STPG2: variants seen among roughly 807,000 people sequenced by gnomAD.
STPG2 encodes sperm tail PG-rich repeat containing 2, also known as sperm-tail PG-rich repeat-containing protein 2.
A neutral mutation model predicts 54.2 loss-of-function variants in STPG2; 56 were observed. That is an observed-to-expected ratio of 1.03 (90% CI 0.83 to 1.29). The LOEUF is 1.29. Ranked by LOEUF, STPG2 falls within the 50% of genes most tolerant of loss-of-function variation. The pLI is 0.00. For synonymous variants in STPG2, 200 were observed against 181.8 expected (o/e 1.10, Z -0.81); for missense variants, 596 against 544.9 (o/e 1.09, Z -0.93).
intron 5 of STPG2, among the ~76,000 whole-genome samples, chr4:98,012,141 G>GTAA (rs1735776030): frequency 1.3e-5 from 2 of 151,850 alleles, no homozygotes; most frequent in African/African-American, 4.8e-5. Context: ...TAATGCATAA[G>GTAA]GGGTCCAGTT....
intron 9 of STPG2, among the ~76,000 whole-genome samples, chr4:97,812,616 G>A (rs1030985782): frequency 6.6e-6 from 1 of 152,026 alleles, no homozygotes; most frequent in African/African-American, 2.4e-5. Flanking sequence ...AAAAACTATA[G>A]AACAAAATAT....
chr4:97,640,432 C>A (rs574480953), intron 10 of STPG2, among the ~76,000 whole-genome samples: 1 of 151,830 alleles, frequency 6.6e-6, no homozygotes, highest in African/African-American at 2.4e-5. Flanking sequence ...GAAAAGTGAA[C>A]ATTCTCTACA....
At chr4:98,007,433 T>C (rs989532429) in intron 5 of STPG2, among the ~76,000 whole-genome samples, 2 of 152,090 alleles carry the variant, frequency 1.3e-5, no homozygotes, top group Admixed American at 6.5e-5. Context: ...TCAGCATACA[T>C]TATAATCACA....
chr4:97,789,454 CTT>C (rs1350523894), intron 9 of STPG2, among the ~76,000 whole-genome samples: 1 of 152,040 alleles, frequency 6.6e-6, no homozygotes, highest in Admixed American at 6.6e-5. Flanking sequence ...TATTTCAAGA[CTT>C]CTCTCCTTTT....
chr4:98,045,275 C>G (rs1967980), intron 5 of STPG2, among the ~76,000 whole-genome samples: 60,376 of 151,812 alleles, frequency 0.4, 12,258 homozygotes, highest in Middle Eastern at 0.46. Flanking sequence ...CTCCACTGCA[C>G]GCTGGTTTTA....
chr4:97,563,901 A>G (rs767186011), intron 10 of STPG2, among the ~76,000 whole-genome samples: 143 of 152,006 alleles, frequency 9.4e-4, no homozygotes, highest in Admixed American at 2.1e-3. Context: ...TGAAAAAAAT[A>G]TATATTCTGT....
intron 10 of STPG2, among the ~76,000 whole-genome samples, chr4:97,576,736 AATTGGCAAGTGGTACCTC>A: frequency 6.6e-6 from 1 of 152,284 alleles, no homozygotes; most frequent in East Asian, 1.9e-4. Flanking sequence ...CAAAAATGAT[AATTGGCAAGTGGTACCTC>A]ATTAAATTAA....
chr4:98,100,848 G>C (rs185546851), intron 5 of STPG2, among the ~76,000 whole-genome samples: 1 of 151,470 alleles, frequency 6.6e-6, no homozygotes, highest in East Asian at 1.9e-4. Flanking sequence ...ACTAATTTTT[G>C]TATTTTTAGT....
intron 4 of STPG2, among the ~76,000 whole-genome samples, chr4:97,447,014 A>G (rs1006026950): frequency 2.0e-5 from 3 of 152,198 alleles, no homozygotes; most frequent in Non-Finnish European, 4.4e-5. Context: ...GATGAGGAAA[A>G]GTTTGGAACT....
At chr4:97,633,156 A>G (rs927641660) in intron 10 of STPG2, among the ~76,000 whole-genome samples, 16 of 152,168 alleles carry the variant, frequency 1.1e-4, no homozygotes, top group Non-Finnish European at 2.2e-4. Flanking sequence ...TTCTTATAAT[A>G]ATATAATAAT....
At chr4:97,469,745 G>A (rs947301966) in intron 4 of STPG2, among the ~76,000 whole-genome samples, 2 of 151,872 alleles carry the variant, frequency 1.3e-5, no homozygotes, top group Non-Finnish European at 2.9e-5. Flanking sequence ...AAAAAGGGAG[G>A]CTGAAGAAAT....
At chr4:97,894,793 G>T (rs1011683647) in intron 8 of STPG2, among the ~76,000 whole-genome samples, 1 of 151,914 alleles carries the variant, frequency 6.6e-6, no homozygotes, top group Non-Finnish European at 1.5e-5. Context: ...AGAGACTGGG[G>T]TCTCAACAAT....
At chr4:97,582,950 G>A (rs1213641414) in intron 10 of STPG2, among the ~76,000 whole-genome samples, 1 of 151,964 alleles carries the variant, frequency 6.6e-6, no homozygotes, top group African/African-American at 2.4e-5. Flanking sequence ...TTTGAACACT[G>A]TAGTTTGCTT....
intron 8 of STPG2, among the ~76,000 whole-genome samples, chr4:97,882,103 C>T (rs1434634919): frequency 6.6e-6 from 1 of 152,108 alleles, no homozygotes; most frequent in African/African-American, 2.4e-5. Flanking sequence ...ATGAGAAACA[C>T]CACATAAGCT....
intron 5 of STPG2, among the ~76,000 whole-genome samples, chr4:98,016,701 G>A: frequency 6.6e-6 from 1 of 152,150 alleles, no homozygotes; most frequent in African/African-American, 2.4e-5. Flanking sequence ...GTGTTCTCTT[G>A]TAGCTCACTA....
At chr4:97,711,307 C>T (rs1353868945) in intron 10 of STPG2, among the ~76,000 whole-genome samples, 2 of 152,104 alleles carry the variant, frequency 1.3e-5, no homozygotes, top group Non-Finnish European at 1.5e-5. Context: ...AAGACCTTCC[C>T]TCACTATGCT....
At chr4:97,607,962 CA>C (rs578220123) in intron 10 of STPG2, among the ~76,000 whole-genome samples, 100 of 151,980 alleles carry the variant, frequency 6.6e-4, no homozygotes, top group Non-Finnish European at 1.3e-3. Flanking sequence ...ACTAATTATT[CA>C]ATACACGTGG....
intron 4 of STPG2, among the ~76,000 whole-genome samples, chr4:97,472,578 G>A (rs1457626162): frequency 6.6e-6 from 1 of 152,128 alleles, no homozygotes; most frequent in Non-Finnish European, 1.5e-5. Flanking sequence ...CAACCAAGAT[G>A]TCTTTCAGTA....
At chr4:98,104,770 T>G (rs1739141890) in intron 5 of STPG2, among the ~76,000 whole-genome samples, 1 of 152,172 alleles carries the variant, frequency 6.6e-6, no homozygotes. Context: ...TAGAGGTAAA[T>G]TACCCTTATG....
Sources: gnomAD v4.1 joint callset for allele counts (sites outside exome capture counted in the v4.1 genomes callset) on GRCh38, gnomAD v4.1.1 for gene constraint, MANE v1.5 for transcripts, NCBI Gene and HGNC (gene_info 2026-07-23, HGNC 2026-07-21) for gene names.